Variants in CFAP69 observed in about 807,000 individuals in gnomAD.
CFAP69 encodes the protein cilia and flagella associated protein 69.
A neutral mutation model predicts 123.0 loss-of-function variants in CFAP69; 92 were observed. That is an observed-to-expected ratio of 0.75 (90% CI 0.63 to 0.89). The LOEUF (loss-of-function observed/expected upper bound fraction) is 0.89, where lower values mean the gene tolerates loss of function less well. CFAP69 is among the 40% of genes least tolerant of loss of function. The pLI, the probability that CFAP69 is intolerant of heterozygous loss-of-function variation, is 0.00. For missense variants in CFAP69, 1,067 were observed against 1,096.9 expected (o/e 0.97, Z 0.39); for synonymous variants, 380 against 364.3 (o/e 1.04, Z -0.49).
In CFAP69 at chr7:90,279,840, C is replaced by T. The variant is rs201946898; in HGVS notation, c.1319C>T (p.Ser440Leu). The T allele has an allele frequency of 6.2e-7, 1 of 1,611,794 alleles. No homozygotes were observed. Among genetic ancestry groups the T allele is most frequent in the Non-Finnish European group, 8.5e-7 (1 of 1,179,394 alleles). Residue 440 changes from serine to leucine, a missense_variant, in exon 12 of 23, where the codon TCA (serine) becomes TTA (leucine). Physicochemically the swap from Ser to Leu is moderately radical, Grantham distance 145. Coordinates refer to ENST00000389297, the MANE Select transcript of CFAP69 (RefSeq NM_001039706.3). Reference sequence around the variant, plus strand: ...CCTTTATTAATAGAAGAATACATGTCATGCCAGGGAAATGCTCGAGTCCTT... The same window carrying T: ...CCTTTATTAATAGAAGAATACATGTTATGCCAGGGAAATGCTCGAGTCCTT... ...VAPLLIEEYM[S>L]CQGNARVLAF... is the part of the protein sequence containing the mutation.
chr7:90,277,402 T>C, intron 11 of CFAP69, 68 bp downstream of exon 11: 1 of 1,230,620 alleles, frequency 8.1e-7, no homozygotes, highest in Non-Finnish European at 1.1e-6. Context: ...TATTTTAAAG[T>C]CTTGACTGTA....
downstream of CFAP69, among the ~76,000 whole-genome samples, chr7:90,315,189 A>C (rs1405456880): frequency 6.6e-6 from 1 of 152,144 alleles, no homozygotes; most frequent in Non-Finnish European, 1.5e-5. Context: ...TGTGGAAAGC[A>C]GTGTGGCAAT....
intron 6 of CFAP69, 89 bp from the exon 7 acceptor site, chr7:90,271,437 C>T: frequency 2.2e-6 from 3 of 1,359,420 alleles, no homozygotes; most frequent in Non-Finnish European, 3.0e-6. Flanking sequence ...GTTTTTCTTG[C>T]TGTTGCTTAA....
chr7:90,245,629 G>C (rs1796237128), intron 1 of CFAP69, 85 bp downstream of exon 1: 1 of 1,413,374 alleles, frequency 7.1e-7, no homozygotes, highest in African/African-American at 1.5e-5. Flanking sequence ...GGTGGCAAGG[G>C]TGGAACTGGG....
chr7:90,289,797 G>A (rs375609853), intron 15 of CFAP69, among the ~76,000 whole-genome samples: 1 of 152,188 alleles, frequency 6.6e-6, no homozygotes, highest in African/African-American at 2.4e-5. Flanking sequence ...TGATTTGTAT[G>A]TATGGTGTAA....
chr7:90,321,297 C>T, the CFAP69 span: 2 of 152,304 alleles, frequency 1.3e-5, no homozygotes, highest in South Asian at 2.1e-4. Context: ...GCGGGGTTCC[C>T]GAGACAGACC....
At chr7:90,318,572 C>G in the CFAP69 span, 1 of 151,952 alleles carries the variant, frequency 6.6e-6, no homozygotes, top group African/African-American at 2.4e-5. Flanking sequence ...TATAAGATAC[C>G]TTATAAAATT....
intron 6 of CFAP69, among the ~76,000 whole-genome samples, chr7:90,270,580 G>T (rs1264249634): frequency 6.6e-6 from 1 of 151,992 alleles, no homozygotes; most frequent in Non-Finnish European, 1.5e-5. Context: ...ATCATAGAAA[G>T]CTCATCACAG....
chr7:90,287,163 A>G (rs1432724695), intron 14 of CFAP69, among the ~76,000 whole-genome samples: 1 of 151,858 alleles, frequency 6.6e-6, no homozygotes, highest in Non-Finnish European at 1.5e-5. Context: ...TTATTGCTAA[A>G]TAGTATTCCA....
At chr7:90,283,758 T>G (rs1789836332) in intron 13 of CFAP69, among the ~76,000 whole-genome samples, 1 of 152,142 alleles carries the variant, frequency 6.6e-6, no homozygotes, top group Admixed American at 6.5e-5. Flanking sequence ...TATTCAGTGA[T>G]TGCTTCACTA....
At position 90,307,967 on chromosome 7, in the gene CFAP69, C is replaced by T. The variant is rs889633145; in HGVS notation, c.2550+113C>T. On this transcript the variant is annotated intron_variant, in intron 21 of 22. Transcript: ENST00000389297. The stretch of plus-strand genomic sequence containing the variant: ...TTCCTAGTGACCTTTCCGTACAATA[C>T]CAGCACTATTAGATGCTCATATGCA... 9.8e-6 allele frequency: 6 copies of T among 614,140 alleles called. No homozygotes were observed. In the African/African-American group the frequency reaches 1.2e-4, roughly 12 times the overall value. 38.0% of individuals were successfully genotyped at this position (614,140 alleles called of 1,614,324 possible).
intron 2 of CFAP69, among the ~76,000 whole-genome samples, chr7:90,256,280 A>C (rs1797636418): frequency 6.6e-6 from 1 of 152,200 alleles, no homozygotes; most frequent in African/African-American, 2.4e-5. Flanking sequence ...ACACAGGAAC[A>C]GAAATCCAAA....
intron 17 of CFAP69, 50 bp from the exon 18 acceptor site, chr7:90,303,919 C>G (rs779896785): frequency 9.5e-6 from 14 of 1,480,236 alleles, no homozygotes; most frequent in Non-Finnish European, 2.7e-6. Context: ...TATTTGTTTA[C>G]TATGGTTTTT....
At chr7:90,318,753 C>CA in the CFAP69 span, 1 of 151,882 alleles carries the variant, frequency 6.6e-6, no homozygotes, top group Admixed American at 6.6e-5. Flanking sequence ...GCAATTACAA[C>CA]AAAAAACAAC....
chr7:90,319,297 TTAAA>T, the CFAP69 span: 5 of 398,308 alleles, frequency 1.3e-5, no homozygotes, highest in Non-Finnish European at 2.2e-5. Flanking sequence ...ATCAGAAGAA[TTAAA>T]TAGTGACTTT....
chr7:90,264,106 T>A (rs13222922), intron 4 of CFAP69, among the ~76,000 whole-genome samples: 4,673 of 29,964 alleles, frequency 0.16, 1,599 homozygotes, highest in East Asian at 0.35. Flanking sequence ...AAAAAAAAAA[T>A]ATATATATAT....
intron 17 of CFAP69, chr7:90,303,484 T>G: frequency 6.4e-6 from 5 of 777,038 alleles, no homozygotes; most frequent in Non-Finnish European, 7.8e-6. Context: ...ATATGTTTCC[T>G]TAAGTATTGT....
chr7:90,293,595 C>A (rs1791514148), intron 15 of CFAP69, among the ~76,000 whole-genome samples: 1 of 152,138 alleles, frequency 6.6e-6, no homozygotes, highest in African/African-American at 2.4e-5. Context: ...ATCCACATTC[C>A]CATGACTTCT....
chr7:90,295,504 G>A (rs1169102817), intron 15 of CFAP69, among the ~76,000 whole-genome samples: 1 of 152,012 alleles, frequency 6.6e-6, no homozygotes, highest in Non-Finnish European at 1.5e-5. Flanking sequence ...TCGTCCCTTC[G>A]GGGCTTGCCA....
Sources: gnomAD v4.1 joint callset for allele counts (sites outside exome capture counted in the v4.1 genomes callset) on GRCh38, gnomAD v4.1.1 for gene constraint, MANE v1.5 for transcripts, NCBI Gene and HGNC (gene_info 2026-07-23, HGNC 2026-07-21) for gene names.